GPAM: variants seen among roughly 807,000 people sequenced by gnomAD.
The protein encoded by GPAM is glycerol-3-phosphate acyltransferase 1, mitochondrial.
In GPAM, 56 loss-of-function variants were observed where a neutral mutation model predicts 105.0. That is an observed-to-expected ratio of 0.53 (90% confidence interval 0.43 to 0.67). The LOEUF (loss-of-function observed/expected upper bound fraction) is 0.67, where lower values mean the gene tolerates loss of function less well. GPAM is among the 30% of genes least tolerant of loss of function. The probability of loss-of-function intolerance (pLI) is 0.00; values close to 1 mark genes in which losing one functional copy is unlikely to be tolerated. For synonymous variants in GPAM, 368 were observed against 354.4 expected, an observed-to-expected ratio of 1.04 and a Z score of -0.43; for missense variants, 855 against 989.8, an observed-to-expected ratio of 0.86 and a Z score of 1.83.
chr10:112,154,530 T>C, intron 21 of GPAM, 99 bp downstream of exon 21: 1 of 883,070 alleles, frequency 1.1e-6, no homozygotes, highest in South Asian at 1.4e-5. Context: ...AAACTGCTTC[T>C]CTCGGGGTCC....
In GPAM at chr10:112,172,307, C is replaced by A; in HGVS notation, c.669G>T (p.Pro223=). Residue 223 remains proline, a synonymous_variant, in exon 9 of 22, where the codon CCG becomes CCT. Transcript: ENST00000348367. ...ATCTATGAACTGGTAGAAACAGAAGCGGCAAATTCGTCTAGCAAAGGGAAA... is the reference window on the plus strand; with the variant it reads ...ATCTATGAACTGGTAGAAACAGAAGAGGCAAATTCGTCTAGCAAAGGGAAA... ...MVKAATETNL[P]LLFLPVHRSH... is the part of the protein sequence containing the mutation. 1 of 1,612,892 alleles carries A rather than the reference C, an allele frequency of 6.2e-7. No homozygotes were observed. The highest frequency in any genetic ancestry group is 8.5e-7 in the Non-Finnish European group (1 of 1,179,018).
chr10:112,153,806 T>TA, intron 21 of GPAM, 140 bp from the exon 22 acceptor site: 1 of 815,828 alleles, frequency 1.2e-6, no homozygotes, highest in South Asian at 1.6e-5. Context: ...TAAGTAAATG[T>TA]ATGCCTGGGT....
At chr10:112,190,166 A>G (rs1029472467) in intron 1 of GPAM, among the ~76,000 whole-genome samples, 2 of 152,184 alleles carry the variant, frequency 1.3e-5, no homozygotes, top group African/African-American at 4.8e-5. Context: ...TGACTCAAAC[A>G]TTCTAAAAAA....
At chr10:112,168,242 A>G (rs1847251836) in intron 11 of GPAM, 70 bp downstream of exon 11, 3 of 926,724 alleles carry the variant, frequency 3.2e-6, no homozygotes. Context: ...TCTAAAAGCA[A>G]ATGTAAATTC....
intron 12 of GPAM, among the ~76,000 whole-genome samples, chr10:112,164,828 A>G (rs1278693849): frequency 1.3e-5 from 2 of 152,238 alleles, no homozygotes; most frequent in Non-Finnish European, 2.9e-5. Flanking sequence ...CTGAAGACAC[A>G]AAGAATAGGA....
intron 1 of GPAM, among the ~76,000 whole-genome samples, chr10:112,207,229 C>T (rs768207135): frequency 5.9e-5 from 9 of 152,076 alleles, no homozygotes; most frequent in Non-Finnish European, 1.0e-4. Flanking sequence ...CTATGATGTA[C>T]GGGACAGTCC....
At chr10:112,179,749 T>C (rs1298463578) in intron 4 of GPAM, among the ~76,000 whole-genome samples, 2 of 152,192 alleles carry the variant, frequency 1.3e-5, no homozygotes, top group Non-Finnish European at 2.9e-5. Flanking sequence ...TTCATCCTAA[T>C]AACTGGATCC....
the GPAM span, among the ~76,000 whole-genome samples, chr10:112,222,594 T>A: frequency 0.015 from 2,237 of 152,294 alleles, 68 homozygotes; most frequent in African/African-American, 0.05. Context: ...TCATGCCAAA[T>A]GGGAACATCT....
At position 112,151,214 on chromosome 10, in the gene GPAM, C is replaced by T; in HGVS notation, c.*2336G>A. On this transcript the variant is annotated 3_prime_UTR_variant, in exon 22 of 22. Transcript: ENST00000348367. ...TAAACTGTAATAAATTATTTACAAG[C>T]ACCTAGTTTGTTTAACCTTATGTGG... 1 of 984,750 alleles carries T rather than the reference C, an allele frequency of 1.0e-6. No individual in the cohort carries two copies. The highest frequency in any genetic ancestry group is 4.7e-5 in the South Asian group (1 of 21,258). The allele number at this position is 984,750 out of a possible 1,614,324, so 61.0% of individuals were successfully genotyped here.
chr10:112,220,743 T>G, the GPAM span, among the ~76,000 whole-genome samples: 1 of 152,080 alleles, frequency 6.6e-6, no homozygotes, highest in Non-Finnish European at 1.5e-5. Context: ...TGTGGAAACT[T>G]CCATTAATGG....
At position 112,174,927 on chromosome 10, in the gene GPAM, C is replaced by T. The variant is rs1051866304; in HGVS notation, c.413+673G>A. 7.9e-5 allele frequency among the ~76,000 whole-genome samples: 12 copies of T among 152,148 alleles called. 1 individual carries two copies. The highest frequency in any genetic ancestry group is 1.5e-4 in the Non-Finnish European group (10 of 68,030). ...ACAGATGACACTTATGAATTTAAAG[C>T]AGCCTTTTAATTCACCCTGGTCTCC... On this transcript the variant is annotated intron_variant, in intron 6 of 21. Coordinates refer to ENST00000348367, the MANE Select transcript of GPAM (RefSeq NM_001244949.2).
chr10:112,211,964 A>G (rs1589613329), intron 1 of GPAM, among the ~76,000 whole-genome samples: 3 of 152,358 alleles, frequency 2.0e-5, no homozygotes, highest in Admixed American at 2.0e-4. Context: ...TTCTAGAACC[A>G]GATGCTCCAA....
At chr10:112,216,767 G>A (rs1847974465), upstream of GPAM, among the ~76,000 whole-genome samples, 1 of 151,882 alleles carries the variant, frequency 6.6e-6, no homozygotes, top group Admixed American at 6.6e-5. Flanking sequence ...GGGACTACAG[G>A]CACCCACCAC....
chr10:112,150,381 A>T lies in GPAM; in HGVS notation c.*3169T>A. 1.0e-6 allele frequency: 1 copy of T among 985,752 alleles called. No homozygotes were observed. The highest frequency in any genetic ancestry group is 1.2e-6 in the Non-Finnish European group (1 of 829,808). 61.1% of individuals were successfully genotyped at this position (985,752 alleles called of 1,614,324 possible). On this transcript the variant is annotated 3_prime_UTR_variant, in exon 22 of 22. Transcript: ENST00000348367. ...TACGTTCAGTGAAAAAGCCAGGATC[A>T]TTGGGGCTGTTCTCTCTATCAAAGG... is the stretch of plus-strand genomic sequence containing the variant.
upstream of GPAM, among the ~76,000 whole-genome samples, chr10:112,187,639 A>G (rs1183076238): frequency 6.6e-6 from 1 of 152,204 alleles, no homozygotes; most frequent in East Asian, 1.9e-4. Flanking sequence ...TCCCCCAATA[A>G]CTAATAGAAC....
chr10:112,218,779 G>GT (rs1320112555), upstream of GPAM, among the ~76,000 whole-genome samples: 2 of 152,200 alleles, frequency 1.3e-5, no homozygotes, highest in Admixed American at 6.5e-5. Flanking sequence ...AACTCATGAG[G>GT]TTTTTTAGAC....
chr10:112,162,888 G>A (rs1271489942), intron 14 of GPAM, among the ~76,000 whole-genome samples: 2 of 152,044 alleles, frequency 1.3e-5, no homozygotes, highest in East Asian at 1.9e-4. Flanking sequence ...ATAATCAAAT[G>A]TGCTTGAGAA....
rs573290162 is a variant in GPAM at position 112,153,323 on chromosome 10, G to A, written c.*227C>T. On this transcript the variant is annotated 3_prime_UTR_variant, in exon 22 of 22. Coordinates refer to ENST00000348367, the MANE Select transcript of GPAM (RefSeq NM_001244949.2). Reference sequence around the variant, plus strand: ...TTGTAGTCTACGGATTATGAGTTGCGAATAGAGGCTGAGGTCCCCCCAAGT... The same window carrying A: ...TTGTAGTCTACGGATTATGAGTTGCAAATAGAGGCTGAGGTCCCCCCAAGT... 769 of 1,412,220 alleles carry A rather than the reference G, an allele frequency of 5.4e-4. 4 individuals carry two copies. In the African/African-American group the frequency reaches 9.8e-3, roughly 18 times the overall value. The allele number at this position is 1,412,220 out of a possible 1,614,324, so 87.5% of individuals were successfully genotyped here.
intron 20 of GPAM, 21 bp downstream of exon 20, chr10:112,155,843 A>G: frequency 4.1e-6 from 6 of 1,455,596 alleles, no homozygotes; most frequent in Non-Finnish European, 5.8e-6. Context: ...TTTTAAAAGA[A>G]TAAATAGTGA....
Sources: gnomAD v4.1 joint callset for allele counts (sites outside exome capture counted in the v4.1 genomes callset) on GRCh38, gnomAD v4.1.1 for gene constraint, MANE v1.5 for transcripts, NCBI Gene and HGNC (gene_info 2026-07-23, HGNC 2026-07-21) for gene names.